CYSTM1: variants seen among roughly 807,000 people sequenced by gnomAD.
CYSTM1 encodes cysteine rich transmembrane module containing 1.
In CYSTM1, 4 loss-of-function variants were observed where a neutral mutation model predicts 13.1. The ratio of observed to expected loss-of-function variants is 0.31; its 90% CI spans 0.15 to 0.70. CYSTM1 has a LOEUF of 0.70. Ranked by LOEUF, CYSTM1 falls within the 30% of genes least tolerant of loss-of-function variation. CYSTM1 has a pLI of 0.72. For synonymous variants in CYSTM1, 36 were observed against 42.7 expected (o/e 0.84, Z 0.62); for missense variants, 96 against 121.6 (o/e 0.79, Z 0.99).
intron 2 of CYSTM1, among the ~76,000 whole-genome samples, chr5:140,236,519 A>C (rs1764683241): frequency 1.3e-5 from 2 of 152,252 alleles, no homozygotes; most frequent in African/African-American, 4.8e-5. Context: ...TGATCTCACT[A>C]TTTAAGAAAC....
intron 1 of CYSTM1, among the ~76,000 whole-genome samples, chr5:140,176,406 C>G (rs1455009459): frequency 6.6e-6 from 1 of 152,184 alleles, no homozygotes; most frequent in African/African-American, 2.4e-5. Flanking sequence ...TAGATTTATA[C>G]AATATGATAC....
In CYSTM1 at chr5:140,225,219, C is replaced by T. The variant is rs1349622848; in HGVS notation, c.188-18086C>T. On this transcript the variant is annotated intron_variant, in intron 2 of 2. Transcript: ENST00000261811. ...ATAAAAAAGATGGTGTCATTCTTGCCATGCAACAAACTGTTTTCCTACATA... is the reference window on the plus strand; with the variant it reads ...ATAAAAAAGATGGTGTCATTCTTGCTATGCAACAAACTGTTTTCCTACATA... Among the ~76,000 whole-genome samples the T allele has an allele frequency of 3.3e-5, 5 of 152,204 alleles. No homozygotes were observed. The East Asian group carries it at 5.8e-4, about 18-fold the overall frequency.
intron 1 of CYSTM1, among the ~76,000 whole-genome samples, chr5:140,182,869 A>T (rs1763974547): frequency 6.6e-6 from 1 of 152,014 alleles, no homozygotes; most frequent in Non-Finnish European, 1.5e-5. Context: ...GATAGGCATG[A>T]GTGGTACTTC....
In CYSTM1 at chr5:140,243,494, G is replaced by A. The variant is rs1764778658; in HGVS notation, c.*83G>A. 8.7e-7 allele frequency: 1 copy of A among 1,148,228 alleles called. No individual in the cohort carries two copies. Among genetic ancestry groups the A allele is most frequent in the African/African-American group, 1.5e-5 (1 of 65,226 alleles). 71.1% of individuals were successfully genotyped at this position (1,148,228 alleles called of 1,614,324 possible). ...CCTGCCCCCATCTCTTCTGATTGCTGTTAACAAATGACTAGCTTTGCACAG... is the reference window on the plus strand; with the variant it reads ...CCTGCCCCCATCTCTTCTGATTGCTATTAACAAATGACTAGCTTTGCACAG... On this transcript the variant is annotated 3_prime_UTR_variant, in exon 3 of 3. Coordinates refer to ENST00000261811, the MANE Select transcript of CYSTM1 (RefSeq NM_032412.4).
At chr5:140,216,671 C>A (rs1002280252) in intron 2 of CYSTM1, among the ~76,000 whole-genome samples, 21 of 152,184 alleles carry the variant, frequency 1.4e-4, no homozygotes, top group African/African-American at 4.1e-4. Flanking sequence ...TGTATGCTAT[C>A]AGGGCTGCAA....
At chr5:140,203,732 AG>A (rs1387829029) in intron 2 of CYSTM1, among the ~76,000 whole-genome samples, 1 of 152,206 alleles carries the variant, frequency 6.6e-6, no homozygotes, top group Non-Finnish European at 1.5e-5. Context: ...TCATGGAAGA[AG>A]GGGGTTTTTT....
rs1395071500 is a variant in CYSTM1, at chr5:140,219,859, G to A, written c.188-23446G>A. 6.6e-6 allele frequency among the ~76,000 whole-genome samples: 1 copy of A among 152,188 alleles called. No individual in the cohort carries two copies. Among genetic ancestry groups the A allele is most frequent in the East Asian group, 1.9e-4 (1 of 5,190 alleles). ...GACGATAACAGAGTAGTCTGTGCCT[G>A]CCTGTGCCTGGACACTAATTGGAAA... is the stretch of plus-strand genomic sequence containing the variant. On this transcript the variant is annotated intron_variant, in intron 2 of 2. Transcript: ENST00000261811. This position sits in a 1 kb window ranked among gnomAD's most constrained non-coding sequence, Gnocchi z 4.1.
intron 2 of CYSTM1, among the ~76,000 whole-genome samples, chr5:140,224,656 G>A (rs986376921): frequency 2.0e-5 from 3 of 152,000 alleles, no homozygotes; most frequent in African/African-American, 7.2e-5. Flanking sequence ...GAATAGCTGG[G>A]ACTACAGGCA....
intron 2 of CYSTM1, among the ~76,000 whole-genome samples, chr5:140,195,579 C>T (rs1467514455): frequency 6.6e-6 from 1 of 151,370 alleles, no homozygotes; most frequent in Non-Finnish European, 1.5e-5. Context: ...GTAACTAGGA[C>T]TACAGGCGCC....
At chr5:140,180,509 G>T (rs189986861) in intron 1 of CYSTM1, among the ~76,000 whole-genome samples, 96 of 152,294 alleles carry the variant, frequency 6.3e-4, no homozygotes, top group African/African-American at 2.2e-3. Context: ...GTAGTATAAA[G>T]CAAGGGAATT....
At chr5:140,240,814 C>T (rs1328428740) in intron 2 of CYSTM1, among the ~76,000 whole-genome samples, 3 of 152,098 alleles carry the variant, frequency 2.0e-5, no homozygotes, top group Non-Finnish European at 2.9e-5. Flanking sequence ...CTGCTTTGGG[C>T]GACTGAAGCA....
chr5:140,207,072 T>G (rs1016470962), intron 2 of CYSTM1, among the ~76,000 whole-genome samples: 1 of 152,232 alleles, frequency 6.6e-6, no homozygotes, highest in African/African-American at 2.4e-5. Flanking sequence ...CGGAAAAGTT[T>G]CACATAGACA....
chr5:140,181,272 G>T (rs1581057105), intron 1 of CYSTM1, among the ~76,000 whole-genome samples: 1 of 152,152 alleles, frequency 6.6e-6, no homozygotes, highest in Non-Finnish European at 1.5e-5. Context: ...GTGCTTTCCT[G>T]CTGCCACTAG....
intron 2 of CYSTM1, among the ~76,000 whole-genome samples, chr5:140,205,954 G>A (rs768835828): frequency 6.6e-6 from 1 of 152,110 alleles, no homozygotes; most frequent in Non-Finnish European, 1.5e-5. Context: ...TCTCAAGACC[G>A]CCTAATAGCT....
chr5:140,185,775 A>G (rs1424951095), intron 1 of CYSTM1, among the ~76,000 whole-genome samples: 1 of 152,236 alleles, frequency 6.6e-6, no homozygotes, highest in African/African-American at 2.4e-5. Context: ...TTCCTAGGAG[A>G]AGGCCTACAG....
intron 2 of CYSTM1, among the ~76,000 whole-genome samples, chr5:140,226,873 A>C (rs111933597): frequency 1.1e-4 from 16 of 151,868 alleles, no homozygotes; most frequent in African/African-American, 3.4e-4. Context: ...GGTGGGCACT[A>C]CCAAGGGTCA....
In CYSTM1 at chr5:140,239,111, C is replaced by T. The variant is rs1764717995; in HGVS notation, c.188-4194C>T. 6.6e-6 allele frequency among the ~76,000 whole-genome samples: 1 copy of T among 152,174 alleles called. No individual in the cohort carries two copies. Among genetic ancestry groups the T allele is most frequent in the Admixed American group, 6.5e-5 (1 of 15,280 alleles). ...TAGCTCTCTTGGGTTGGGACTGGTACAGACACTTGCAAAAACAAGAAGGAC... is the reference window on the plus strand; with the variant it reads ...TAGCTCTCTTGGGTTGGGACTGGTATAGACACTTGCAAAAACAAGAAGGAC... On this transcript the variant is annotated intron_variant, in intron 2 of 2. Transcript: ENST00000261811. This position sits in a 1 kb window ranked among gnomAD's most constrained non-coding sequence, Gnocchi z 5.4.
intron 1 of CYSTM1, among the ~76,000 whole-genome samples, chr5:140,190,356 G>A (rs1764080240): frequency 6.6e-6 from 1 of 151,584 alleles, no homozygotes; most frequent in Non-Finnish European, 1.5e-5. Flanking sequence ...TTCCTCCAAT[G>A]TCTGATAATC....
In CYSTM1 at chr5:140,194,483, T is replaced by C. The variant is rs201383912; in HGVS notation, c.18T>C (p.Pro6=). The change falls in exon 2 of 3, where the codon CCT becomes CCC. Residue 6 remains proline, a synonymous_variant. Coordinates refer to ENST00000261811, the MANE Select transcript of CYSTM1 (RefSeq NM_032412.4). Reference sequence around the variant, plus strand: ...GGTCCCCGATGAACCAAGAGAACCCTCCACCATATCCAGGCCCTGGTCCAA... The same window carrying C: ...GGTCCCCGATGAACCAAGAGAACCCCCCACCATATCCAGGCCCTGGTCCAA... MNQEN[P]PPYPGPGPTA... is the part of the protein sequence containing the mutation. 1 of 1,599,998 alleles carries C rather than the reference T, an allele frequency of 6.3e-7. No homozygotes were observed. Among genetic ancestry groups the C allele is most frequent in the African/African-American group, 1.3e-5 (1 of 74,216 alleles).
Sources: gnomAD v4.1 joint callset for allele counts (sites outside exome capture counted in the v4.1 genomes callset) on GRCh38, gnomAD v4.1.1 for gene constraint, Gnocchi (gnomAD v3.1) non-coding constraint, MANE v1.5 for transcripts, NCBI Gene and HGNC (gene_info 2026-07-23, HGNC 2026-07-21) for gene names.